The following PDSS2 variants were observed in gnomAD, a reference collection of about 807,000 sequenced individuals.
The protein encoded by PDSS2 is decaprenyl diphosphate synthase subunit 2.
PDSS2 carries 31 observed loss-of-function variants against 44.5 expected under a neutral mutation model. The observed-to-expected ratio is 0.70, with a 90% confidence interval of 0.52 to 0.94. The LOEUF is 0.94. Ranked by LOEUF, PDSS2 falls within the 40% of genes least tolerant of loss-of-function variation. The probability of loss-of-function intolerance (pLI) is 0.00; values close to 1 mark genes in which losing one functional copy is unlikely to be tolerated. For missense variants in PDSS2, 452 were observed against 482.2 expected, an observed-to-expected ratio of 0.94 and a Z score of 0.59; for synonymous variants, 157 against 180.3, an observed-to-expected ratio of 0.87 and a Z score of 1.03.
intron 1 of PDSS2, among the ~76,000 whole-genome samples, chr6:107,335,474 C>G (rs1562469777): frequency 1.3e-5 from 2 of 152,148 alleles, no homozygotes; most frequent in African/African-American, 4.8e-5. Flanking sequence ...TCAAAAGACG[C>G]AGAAATTTGA....
chr6:107,342,511 G>A (rs181166770), intron 1 of PDSS2, among the ~76,000 whole-genome samples: 218 of 152,206 alleles, frequency 1.4e-3, no homozygotes, highest in African/African-American at 4.5e-3. Flanking sequence ...AATGTATGCC[G>A]TATCAAAGGG....
At chr6:107,372,946 C>T (rs1439786416) in intron 1 of PDSS2, among the ~76,000 whole-genome samples, 1 of 151,580 alleles carries the variant, frequency 6.6e-6, no homozygotes, top group Non-Finnish European at 1.5e-5. Context: ...TAAACCTACA[C>T]ACTTGACTTT....
intron 1 of PDSS2, among the ~76,000 whole-genome samples, chr6:107,396,678 CTTT>C (rs950671310): frequency 2.5e-5 from 2 of 79,354 alleles, no homozygotes; most frequent in Non-Finnish European, 5.3e-5. Context: ...CTTCTTTTTT[CTTT>C]TTTTTTTTTT....
intron 1 of PDSS2, among the ~76,000 whole-genome samples, chr6:107,345,204 G>A (rs1255470367): frequency 2.0e-5 from 3 of 151,662 alleles, no homozygotes; most frequent in Non-Finnish European, 4.4e-5. Flanking sequence ...AACCGAATGT[G>A]AATGAGTATT....
chr6:107,182,778 T>G (rs1417787212), intron 7 of PDSS2, among the ~76,000 whole-genome samples: 1 of 152,182 alleles, frequency 6.6e-6, no homozygotes, highest in Admixed American at 6.5e-5. Context: ...ACTGACAAAC[T>G]AATTGTTTTG....
At chr6:107,163,913 T>C (rs1771241095) in intron 7 of PDSS2, among the ~76,000 whole-genome samples, 1 of 152,190 alleles carries the variant, frequency 6.6e-6, no homozygotes, top group Admixed American at 6.5e-5. Flanking sequence ...GATCTTGTTC[T>C]TTTTTAAATA....
Position 107,288,062 on chromosome 6 carries a change from T to A in PDSS2, c.432-13835A>T, listed in dbSNP as rs141950709. ...ATGGGGTTTTCCTATGTCAGCAGGC[T>A]GGTCTCCAACTCCTGGCCTGAAGCA... On this transcript the variant is annotated intron_variant, in intron 2 of 7. Coordinates refer to ENST00000369037, the MANE Select transcript of PDSS2 (RefSeq NM_020381.4). 4.5e-4 allele frequency among the ~76,000 whole-genome samples: 69 copies of A among 151,810 alleles called. 1 individual carries two copies. The East Asian group carries it at 9.8e-3, about 21-fold the overall frequency.
intron 7 of PDSS2, among the ~76,000 whole-genome samples, chr6:107,181,435 A>C (rs1771973757): frequency 6.6e-6 from 1 of 150,652 alleles, no homozygotes; most frequent in Non-Finnish European, 1.5e-5. Flanking sequence ...TGGGAGGCTG[A>C]GGTAGGAGAA....
intron 1 of PDSS2, among the ~76,000 whole-genome samples, chr6:107,391,853 C>A (rs985863721): frequency 8.2e-5 from 10 of 121,456 alleles, no homozygotes; most frequent in African/African-American, 2.5e-4. Context: ...GATACATGCT[C>A]ATTTTTTTTT....
At chr6:107,197,729 A>G in intron 6 of PDSS2, 1 of 444,060 alleles carries the variant, frequency 2.3e-6, no homozygotes, top group Non-Finnish European at 4.7e-6. Flanking sequence ...AAACAGCTCA[A>G]CACTGAGCAC....
intron 1 of PDSS2, among the ~76,000 whole-genome samples, chr6:107,449,970 C>CGTGG (rs1781813192): frequency 6.6e-6 from 1 of 152,194 alleles, no homozygotes; most frequent in African/African-American, 2.4e-5. Context: ...GCTTCTACCT[C>CGTGG]TTGGCTACTG....
intron 3 of PDSS2, among the ~76,000 whole-genome samples, chr6:107,269,340 CTGTGTGTGTGTGTGTG>C (rs58803876): frequency 1.4e-5 from 2 of 143,200 alleles, no homozygotes; most frequent in East Asian, 2.0e-4. Context: ...TTTCGTGTGT[CTGTGTGTGTGTGTGTG>C]TGTGTGTGTG....
At chr6:107,253,964 G>A in intron 3 of PDSS2, among the ~76,000 whole-genome samples, 1 of 151,862 alleles carries the variant, frequency 6.6e-6, no homozygotes, top group Non-Finnish European at 1.5e-5. Flanking sequence ...GAAGTTTTGA[G>A]ACTAGCCTGG....
intron 2 of PDSS2, among the ~76,000 whole-genome samples, chr6:107,299,146 C>CAAAAAA (rs71991148): frequency 2.2e-4 from 12 of 53,454 alleles, no homozygotes; most frequent in East Asian, 1.1e-3. Flanking sequence ...GACCCTGTCT[C>CAAAAAA]AAAAAAAAAA....
chr6:107,428,431 C>G lies in PDSS2; in HGVS notation c.296+30559G>C, dbSNP rs574079818. On this transcript the variant is annotated intron_variant, in intron 1 of 7. Transcript: ENST00000369037. ...GACTAAGGCAAAGGTCAGGACAGGG[C>G]AAAACTCTCTGGTTAGGCAAAATTT... Among the ~76,000 whole-genome samples the G allele has an allele frequency of 8.5e-5, 13 of 152,292 alleles. No individual in the cohort carries two copies. In the South Asian group the frequency reaches 1.2e-3, roughly 15 times the overall value.
intron 7 of PDSS2, among the ~76,000 whole-genome samples, chr6:107,163,609 T>TC (rs1771226252): frequency 6.6e-6 from 1 of 151,960 alleles, no homozygotes; most frequent in African/African-American, 2.4e-5. Flanking sequence ...TCTTTTTTTT[T>TC]TTTTCTTTTT....
intron 1 of PDSS2, among the ~76,000 whole-genome samples, chr6:107,437,509 A>G (rs1583084386): frequency 7.4e-6 from 1 of 134,960 alleles, no homozygotes; most frequent in East Asian, 2.3e-4. Context: ...TAGGAGACAG[A>G]GTGAGACCCT....
intron 7 of PDSS2, among the ~76,000 whole-genome samples, chr6:107,165,511 T>A (rs1554247365): frequency 6.6e-6 from 1 of 152,214 alleles, no homozygotes; most frequent in Non-Finnish European, 1.5e-5. Context: ...TCTGTTCTGT[T>A]CCATTGGTCT....
chr6:107,276,898 G>T (rs965167825), intron 2 of PDSS2, among the ~76,000 whole-genome samples: 2 of 152,196 alleles, frequency 1.3e-5, no homozygotes, highest in African/African-American at 4.8e-5. Context: ...AGCTGTCCCA[G>T]TCAAGCCCAG....
Sources: gnomAD v4.1 joint callset for allele counts (sites outside exome capture counted in the v4.1 genomes callset) on GRCh38, gnomAD v4.1.1 for gene constraint, MANE v1.5 for transcripts, NCBI Gene and HGNC (gene_info 2026-07-23, HGNC 2026-07-21) for gene names.